Variants in NPSR1 observed in about 807,000 individuals in gnomAD.
The protein encoded by NPSR1 is neuropeptide S receptor.
A neutral mutation model predicts 46.9 loss-of-function variants in NPSR1; 48 were observed. That is an observed-to-expected ratio of 1.02 (90% CI 0.81 to 1.30). The LOEUF (loss-of-function observed/expected upper bound fraction) is 1.30. Among genes scored for constraint, NPSR1 ranks in the 50% most tolerant of loss-of-function variants. The pLI is 0.00. For synonymous variants in NPSR1, 176 were observed against 168.1 expected, an observed-to-expected ratio of 1.05 and a Z score of -0.36; for missense variants, 450 against 449.5, an observed-to-expected ratio of 1.00 and a Z score of -0.01.
At chr7:34,846,106 GCTCAAAAA>G (rs1159541315) in intron 7 of NPSR1, among the ~76,000 whole-genome samples, 1 of 152,122 alleles carries the variant, frequency 6.6e-6, no homozygotes, top group African/African-American at 2.4e-5. Flanking sequence ...ACCCACCAGG[GCTCAAAAA>G]CTTTCTGAGA....
In NPSR1 at chr7:34,676,447, C is replaced by T. The variant is rs183326514; in HGVS notation, c.148-8105C>T. Among the ~76,000 whole-genome samples, 5 of 152,316 alleles carry T rather than the reference C, an allele frequency of 3.3e-5. No individual in the cohort carries two copies. In the East Asian group the frequency reaches 9.6e-4, roughly 29 times the overall value. ...GGCTCACCTAGTTGTGATATTCTCA[C>T]TCCTCTGAAATTGTTTCCTCAGTCC... On this transcript the variant is annotated intron_variant, in intron 1 of 8. Transcript: ENST00000360581.
At chr7:34,817,937 T>C (rs1789330687) in intron 4 of NPSR1, among the ~76,000 whole-genome samples, 3 of 152,190 alleles carry the variant, frequency 2.0e-5, no homozygotes, top group African/African-American at 7.2e-5. Flanking sequence ...AAGAGCTATT[T>C]ATGACAAACT....
chr7:34,861,742 C>G (rs1172041155), intron 8 of NPSR1, among the ~76,000 whole-genome samples: 1 of 151,836 alleles, frequency 6.6e-6, no homozygotes, highest in African/African-American at 2.4e-5. Flanking sequence ...GAAGGCAGAG[C>G]TAAGCATGCT....
At chr7:34,771,701 C>G (rs549715464) in intron 2 of NPSR1, among the ~76,000 whole-genome samples, 1 of 152,140 alleles carries the variant, frequency 6.6e-6, no homozygotes, top group South Asian at 2.1e-4. Flanking sequence ...TGAAGGCAGT[C>G]GAGCACTGAC....
At chr7:34,736,886 T>C (rs756483771) in intron 2 of NPSR1, among the ~76,000 whole-genome samples, 5 of 152,244 alleles carry the variant, frequency 3.3e-5, no homozygotes, top group Admixed American at 1.3e-4. Context: ...TTACGGTTCA[T>C]TGAATTCTCC....
At chr7:34,844,593 G>T (rs1010255382) in intron 6 of NPSR1, among the ~76,000 whole-genome samples, 1 of 152,180 alleles carries the variant, frequency 6.6e-6, no homozygotes, top group Non-Finnish European at 1.5e-5. Context: ...GAAGCCCTCA[G>T]CTCCTGCATG....
chr7:34,765,932 C>T (rs763107219), intron 2 of NPSR1, among the ~76,000 whole-genome samples: 5 of 152,132 alleles, frequency 3.3e-5, no homozygotes, highest in Non-Finnish European at 7.3e-5. Flanking sequence ...AGCTATTGGG[C>T]ATTATGCTCA....
intron 6 of NPSR1, among the ~76,000 whole-genome samples, chr7:34,839,837 T>C (rs1584128602): frequency 6.6e-6 from 1 of 151,642 alleles, no homozygotes; most frequent in South Asian, 2.1e-4. Context: ...TCAGGAGAGG[T>C]ATCTGAGCAA....
Position 34,792,629 on chromosome 7 carries a change from G to C in NPSR1, c.384+14064G>C, listed in dbSNP as rs571690806. Among the ~76,000 whole-genome samples, 387 of 103,300 alleles carry C rather than the reference G, an allele frequency of 3.7e-3. 3 individuals are homozygous for C. The highest frequency in any genetic ancestry group is 0.012 in the African/African-American group (374 of 30,470). 67.8% of individuals were successfully genotyped at this position (103,300 alleles called of 152,430 possible). On this transcript the variant is annotated intron_variant, in intron 3 of 8. Coordinates refer to ENST00000360581, the MANE Select transcript of NPSR1 (RefSeq NM_207172.2). ...TGTGTATATATGTGTATATGTGTGT[G>C]TGTGTGTATGTGTATATATATATGT...
chr7:34,664,784 C>G (rs1313128869), intron 1 of NPSR1, among the ~76,000 whole-genome samples: 1 of 152,150 alleles, frequency 6.6e-6, no homozygotes, highest in African/African-American at 2.4e-5. Context: ...TATGCCCTAT[C>G]TGGAGAAAGA....
At chr7:34,843,604 G>C (rs1484326966) in intron 6 of NPSR1, among the ~76,000 whole-genome samples, 3 of 152,206 alleles carry the variant, frequency 2.0e-5, no homozygotes. Context: ...AATTCTTAGA[G>C]AACAAGTACT....
intron 2 of NPSR1, among the ~76,000 whole-genome samples, chr7:34,749,952 A>G (rs1785428683): frequency 6.6e-6 from 1 of 152,106 alleles, no homozygotes; most frequent in African/African-American, 2.4e-5. Flanking sequence ...GTAGCCCAAT[A>G]ATGAGATGCA....
intron 4 of NPSR1, among the ~76,000 whole-genome samples, chr7:34,813,371 A>G (rs1789086780): frequency 6.6e-6 from 1 of 152,182 alleles, no homozygotes; most frequent in South Asian, 2.1e-4. Flanking sequence ...TTGTTCCAAG[A>G]GTGAAAGTAA....
intron 2 of NPSR1, among the ~76,000 whole-genome samples, chr7:34,739,980 C>A (rs146150084): frequency 6.6e-6 from 1 of 152,086 alleles, no homozygotes; most frequent in African/African-American, 2.4e-5. Flanking sequence ...TAAGTATACG[C>A]CGTTTGTCTT....
At chr7:34,761,947 G>C (rs1360751272) in intron 2 of NPSR1, among the ~76,000 whole-genome samples, 1 of 152,170 alleles carries the variant, frequency 6.6e-6, no homozygotes, top group African/African-American at 2.4e-5. Context: ...CCTGATGCTT[G>C]TGCTTATGAG....
intron 3 of NPSR1, among the ~76,000 whole-genome samples, chr7:34,778,877 T>C (rs900016468): frequency 1.3e-5 from 2 of 152,150 alleles, no homozygotes; most frequent in Non-Finnish European, 2.9e-5. Context: ...CTCCAAAAAG[T>C]TTGTTAATTA....
At position 34,849,616 on chromosome 7, in the gene NPSR1, G is replaced by A. The variant is rs1790874145; in HGVS notation, c.1077G>A (p.Arg359=). 1 of 1,614,114 alleles carries A rather than the reference G, an allele frequency of 6.2e-7. No homozygotes were observed. Among genetic ancestry groups the A allele is most frequent in the Non-Finnish European group, 8.5e-7 (1 of 1,179,992 alleles). The part of the protein sequence containing the change: ...SRMTFRERTE[R]HEMQILSKPE... ...TGACGTTCCGGGAGAGAACTGAGAG[G>A]CATGAGATGCAGATTCTGTCCAAGC... Residue 359 remains arginine (R), a synonymous_variant, in exon 9 of 9, where the codon AGG becomes AGA. Transcript: ENST00000360581.
intron 1 of NPSR1, among the ~76,000 whole-genome samples, chr7:34,662,908 T>C (rs1055322224): frequency 2.0e-5 from 3 of 152,196 alleles, no homozygotes; most frequent in African/African-American, 7.2e-5. Context: ...ATACATTTGA[T>C]GGCAGGAAGC....
chr7:34,751,872 G>A (rs1785554061), intron 2 of NPSR1: 1 of 1,572,580 alleles, frequency 6.4e-7, no homozygotes, highest in Admixed American at 1.7e-5. Context: ...TCCAGAGTGG[G>A]TCTGGTGGAC....
Sources: allele counts gnomAD v4.1 joint callset (sites outside exome capture counted in the v4.1 genomes callset), GRCh38; gene constraint gnomAD v4.1.1; transcripts MANE v1.5; gene names NCBI Gene and HGNC (gene_info 2026-07-23, HGNC 2026-07-21).